The following FOXP1 variants were observed in gnomAD, a reference collection of about 807,000 sequenced individuals.
The protein encoded by FOXP1 is forkhead box P1.
FOXP1 carries 15 observed loss-of-function variants against 98.2 expected under a neutral mutation model. The ratio of observed to expected loss-of-function variants is 0.15; its 90% CI spans 0.10 to 0.24. The LOEUF (loss-of-function observed/expected upper bound fraction) is 0.24. FOXP1 is among the 10% of genes least tolerant of loss of function. FOXP1 has a pLI of 1.00. For synonymous variants in FOXP1, 371 were observed against 314.5 expected (o/e 1.18, Z -1.90); for missense variants, 633 against 848.5 (o/e 0.75, Z 3.15).
At chr3:71,043,023 T>C (rs910319243) in intron 10 of FOXP1, among the ~76,000 whole-genome samples, 1 of 152,122 alleles carries the variant, frequency 6.6e-6, no homozygotes, top group Non-Finnish European at 1.5e-5. Context: ...CGTTTGCATA[T>C]CAAAGAGGAG....
chr3:71,515,506 G>C (rs1217600479), intron 2 of FOXP1, among the ~76,000 whole-genome samples: 1 of 150,064 alleles, frequency 6.7e-6, no homozygotes, highest in Non-Finnish European at 1.5e-5. Context: ...CACGCTTGCA[G>C]GGTAACAGTC....
intron 6 of FOXP1, among the ~76,000 whole-genome samples, chr3:71,161,403 G>C (rs1464835337): frequency 6.6e-6 from 1 of 152,024 alleles, no homozygotes; most frequent in Admixed American, 6.6e-5. Flanking sequence ...CTCTCCACGT[G>C]ACCTCTCATC....
intron 6 of FOXP1, among the ~76,000 whole-genome samples, chr3:71,154,648 G>A (rs574704199): frequency 5.9e-5 from 9 of 152,284 alleles, no homozygotes; most frequent in Non-Finnish European, 1.0e-4. Flanking sequence ...TCAATGCTTC[G>A]CTGTGTGACC....
At chr3:71,321,627 CTT>C (rs1016238651) in intron 4 of FOXP1, among the ~76,000 whole-genome samples, 2 of 144,972 alleles carry the variant, frequency 1.4e-5, no homozygotes, top group Non-Finnish European at 1.5e-5. Context: ...TTTCTTTTTT[CTT>C]TTTTTTTTTT....
chr3:71,177,094 G>A (rs558136079), intron 6 of FOXP1, among the ~76,000 whole-genome samples: 102 of 152,184 alleles, frequency 6.7e-4, no homozygotes, highest in African/African-American at 2.3e-3. Flanking sequence ...AAGGAAGAAA[G>A]AAAACAAAGG....
At chr3:71,232,883 A>AG (rs1393993719) in intron 5 of FOXP1, among the ~76,000 whole-genome samples, 1 of 145,178 alleles carries the variant, frequency 6.9e-6, no homozygotes, top group Non-Finnish European at 1.5e-5. Flanking sequence ...GTCTCAAAAA[A>AG]AAAAAAAAAA....
At chr3:71,010,829 C>G in intron 12 of FOXP1, among the ~76,000 whole-genome samples, 1 of 135,238 alleles carries the variant, frequency 7.4e-6, no homozygotes, top group East Asian at 2.6e-4. Context: ...GACAATAACC[C>G]CCCCTCCCCC....
chr3:71,070,218 G>T (rs1424539054), intron 7 of FOXP1, among the ~76,000 whole-genome samples: 1 of 152,170 alleles, frequency 6.6e-6, no homozygotes. Context: ...GTGAAATATG[G>T]CACTTTTAAT....
intron 14 of FOXP1, among the ~76,000 whole-genome samples, chr3:70,983,436 C>A (rs1186390863): frequency 6.6e-6 from 1 of 152,084 alleles, no homozygotes; most frequent in East Asian, 1.9e-4. Context: ...TTAAAAGACC[C>A]TTTCTTTTCG....
chr3:71,535,312 A>C (rs2044199140), intron 2 of FOXP1, among the ~76,000 whole-genome samples: 1 of 152,118 alleles, frequency 6.6e-6, no homozygotes, highest in African/African-American at 2.4e-5. Flanking sequence ...AGGAGAACTT[A>C]ATAGGTCCAC....
rs1315486619 is a variant in FOXP1, at chr3:70,956,749, T to G, written c.*2498A>C. 5.6e-6 allele frequency: 1 copy of G among 180,026 alleles called. No individual in the cohort carries two copies. The highest frequency in any genetic ancestry group is 3.0e-5 in the African/African-American group (1 of 33,854). 11.2% of individuals were successfully genotyped at this position (180,026 alleles called of 1,614,324 possible). ...CTGGAAAAGTTTTTTTTTTTTTTTT[T>G]TTTTTTTTTTTTTTTTTTTTTTTTA... On this transcript the variant is annotated 3_prime_UTR_variant, in exon 21 of 21. Coordinates refer to ENST00000649528, the MANE Select transcript of FOXP1 (RefSeq NM_001349338.3).
At chr3:71,498,338 G>A (rs2107139927) in intron 2 of FOXP1, among the ~76,000 whole-genome samples, 1 of 152,332 alleles carries the variant, frequency 6.6e-6, no homozygotes, top group Admixed American at 6.5e-5. Context: ...GCTAGAAAGA[G>A]CAGCTGTGGT....
At chr3:71,232,483 T>C (rs1560155745) in intron 5 of FOXP1, among the ~76,000 whole-genome samples, 3 of 152,126 alleles carry the variant, frequency 2.0e-5, no homozygotes, top group Non-Finnish European at 4.4e-5. Context: ...ATCTCCATGG[T>C]AGTACACAAA....
chr3:71,479,418 T>A (rs2090099764), intron 3 of FOXP1, among the ~76,000 whole-genome samples: 1 of 152,130 alleles, frequency 6.6e-6, no homozygotes, highest in South Asian at 2.1e-4. Context: ...TGTGGACACA[T>A]CAATAAAATA....
chr3:71,401,508 C>T (rs927799765), intron 3 of FOXP1, among the ~76,000 whole-genome samples: 5 of 152,206 alleles, frequency 3.3e-5, no homozygotes, highest in Admixed American at 6.5e-5. Context: ...AGCTGAAAGC[C>T]TCATTCACTC....
intron 3 of FOXP1, among the ~76,000 whole-genome samples, chr3:71,393,604 T>G (rs2081184007): frequency 1.3e-5 from 2 of 152,220 alleles, no homozygotes; most frequent in Admixed American, 6.5e-5. Context: ...GGGTCATATT[T>G]AAAATAATTA....
chr3:71,123,508 T>A (rs1057067859), intron 6 of FOXP1, among the ~76,000 whole-genome samples: 5 of 152,220 alleles, frequency 3.3e-5, no homozygotes, highest in Admixed American at 6.5e-5. Flanking sequence ...TGGATTTTTT[T>A]CAAAACGAGC....
chr3:71,256,753 A>AG (rs2068659665), intron 5 of FOXP1, among the ~76,000 whole-genome samples: 2 of 152,120 alleles, frequency 1.3e-5, no homozygotes, highest in Non-Finnish European at 2.9e-5. Flanking sequence ...CTTAGTCAAG[A>AG]TCCCCTGCCC....
chr3:71,145,600 G>A (rs1226206737), intron 6 of FOXP1, among the ~76,000 whole-genome samples: 1 of 152,162 alleles, frequency 6.6e-6, no homozygotes, highest in East Asian at 1.9e-4. Context: ...CAAGGTGGCA[G>A]CATCACTTTA....
Sources: gnomAD v4.1 joint callset for allele counts (sites outside exome capture counted in the v4.1 genomes callset) on GRCh38, gnomAD v4.1.1 for gene constraint, MANE v1.5 for transcripts, NCBI Gene and HGNC (gene_info 2026-07-23, HGNC 2026-07-21) for gene names.